PDCD10: variants seen among roughly 807,000 people sequenced by gnomAD.
PDCD10 encodes the protein programmed cell death 10.
Under a neutral mutation model 29.2 loss-of-function variants are expected in PDCD10, and 4 were observed. That is an observed-to-expected ratio of 0.14 (90% CI 0.07 to 0.31). PDCD10 has a LOEUF of 0.31. Ranked by LOEUF, PDCD10 falls within the 10% of genes least tolerant of loss-of-function variation. The pLI, the probability that PDCD10 is intolerant of heterozygous loss-of-function variation, is 1.00. For synonymous variants in PDCD10, 70 were observed against 82.2 expected (o/e 0.85, Z 0.80); for missense variants, 183 against 257.9 (o/e 0.71, Z 1.99).
At chr3:167,693,490 T>C (rs1167594685) in intron 6 of PDCD10, among the ~76,000 whole-genome samples, 1 of 152,204 alleles carries the variant, frequency 6.6e-6, no homozygotes, top group Non-Finnish European at 1.5e-5. Context: ...ATACACTATA[T>C]ACTTTAATCT....
At chr3:167,708,067 T>C (rs1465837147) in intron 3 of PDCD10, among the ~76,000 whole-genome samples, 1 of 152,174 alleles carries the variant, frequency 6.6e-6, no homozygotes, top group South Asian at 2.1e-4. Context: ...CTTCTGTAAC[T>C]TATTGTTGAT....
intron 4 of PDCD10, among the ~76,000 whole-genome samples, chr3:167,697,625 C>T: frequency 6.6e-6 from 1 of 152,068 alleles, no homozygotes; most frequent in Non-Finnish European, 1.5e-5. Context: ...TTTTACTGAA[C>T]CTATATAATA....
chr3:167,699,899 A>T (rs1250453623), intron 4 of PDCD10, among the ~76,000 whole-genome samples: 1 of 152,222 alleles, frequency 6.6e-6, no homozygotes, highest in Non-Finnish European at 1.5e-5. Flanking sequence ...AGACAAACTG[A>T]GTAGCCTATA....
intron 3 of PDCD10, among the ~76,000 whole-genome samples, chr3:167,709,808 G>GA (rs1553763977): frequency 6.6e-6 from 1 of 152,150 alleles, no homozygotes; most frequent in African/African-American, 2.4e-5. Flanking sequence ...AGAGCTCACA[G>GA]AATAAGAGAC....
chr3:167,684,475 T>C, intron 8 of PDCD10, 86 bp from the exon 9 acceptor site: 1 of 734,542 alleles, frequency 1.4e-6, no homozygotes, highest in Non-Finnish European at 2.4e-6. Flanking sequence ...AGCAATGGAA[T>C]CAATTTTAGA....
At chr3:167,710,362 AATC>A (rs1722412062) in intron 3 of PDCD10, among the ~76,000 whole-genome samples, 1 of 152,112 alleles carries the variant, frequency 6.6e-6, no homozygotes, top group African/African-American at 2.4e-5. Flanking sequence ...GCTCGGCAGC[AATC>A]ACCACAGGCT....
chr3:167,706,017 C>T (rs1261476773), intron 3 of PDCD10, among the ~76,000 whole-genome samples: 13 of 152,142 alleles, frequency 8.5e-5, no homozygotes, highest in Admixed American at 8.5e-4. Context: ...ACACTCTGAC[C>T]TCTTTTAAAA....
chr3:167,715,561 G>C (rs918787414), intron 3 of PDCD10, among the ~76,000 whole-genome samples: 1 of 149,982 alleles, frequency 6.7e-6, no homozygotes, highest in Non-Finnish European at 1.5e-5. Flanking sequence ...AACTGTACAG[G>C]AAAAAAAAAT....
chr3:167,719,557 T>C (rs1453398408), intron 3 of PDCD10, among the ~76,000 whole-genome samples: 2 of 152,160 alleles, frequency 1.3e-5, no homozygotes, highest in Non-Finnish European at 2.9e-5. Context: ...CAATGATATC[T>C]TCCAAATATC....
chr3:167,723,914 T>C (rs912249108), intron 2 of PDCD10, among the ~76,000 whole-genome samples: 3 of 152,246 alleles, frequency 2.0e-5, no homozygotes, highest in African/African-American at 7.2e-5. Flanking sequence ...ACTGCTAATT[T>C]TTAACAGAAG....
chr3:167,721,641 T>C (rs766376886), intron 2 of PDCD10, among the ~76,000 whole-genome samples: 18 of 152,200 alleles, frequency 1.2e-4, no homozygotes, highest in Non-Finnish European at 2.4e-4. Flanking sequence ...ACCATATCGC[T>C]ACCAGTGAAA....
In PDCD10 at chr3:167,734,195, T is replaced by C. The variant is rs1725129941; in HGVS notation, c.-117+19A>G. 6.6e-6 allele frequency: 1 copy of C among 152,168 alleles called. No individual in the cohort carries two copies. Among genetic ancestry groups the C allele is most frequent in the Admixed American group, 6.5e-5 (1 of 15,276 alleles). 9.4% of individuals were successfully genotyped at this position (152,168 alleles called of 1,614,324 possible). On this transcript the variant is annotated intron_variant, in intron 2 of 8. Transcript: ENST00000392750. ...CAAAATGAAAGCGCTCTGAAAGCAGTAAAGGAGTAAAAACATACCTTAGGT... is the reference window on the plus strand; with the variant it reads ...CAAAATGAAAGCGCTCTGAAAGCAGCAAAGGAGTAAAAACATACCTTAGGT...
intron 4 of PDCD10, among the ~76,000 whole-genome samples, chr3:167,701,231 G>A (rs1367400872): frequency 6.6e-6 from 1 of 152,006 alleles, no homozygotes; most frequent in Non-Finnish European, 1.5e-5. Context: ...TCTTCTGATT[G>A]TCTATATATA....
At chr3:167,705,413 C>T (rs1216905378) in intron 3 of PDCD10, among the ~76,000 whole-genome samples, 1 of 151,890 alleles carries the variant, frequency 6.6e-6, no homozygotes, top group African/African-American at 2.4e-5. Context: ...AGATTTTTAC[C>T]AAGTATAATA....
intron 6 of PDCD10, among the ~76,000 whole-genome samples, chr3:167,689,381 G>A (rs1719971888): frequency 6.6e-6 from 1 of 152,126 alleles, no homozygotes; most frequent in Non-Finnish European, 1.5e-5. Flanking sequence ...GAATATAATG[G>A]AGCAAATTAC....
intron 3 of PDCD10, among the ~76,000 whole-genome samples, chr3:167,713,384 C>T (rs925502129): frequency 6.6e-6 from 1 of 151,744 alleles, no homozygotes; most frequent in African/African-American, 2.4e-5. Context: ...TTTCTTGAAA[C>T]AAGTAACAGA....
intron 8 of PDCD10, among the ~76,000 whole-genome samples, chr3:167,685,017 A>G (rs1398838032): frequency 2.0e-5 from 3 of 152,074 alleles, no homozygotes; most frequent in Non-Finnish European, 4.4e-5. Flanking sequence ...ATCTTCATGC[A>G]GCTGGGATTC....
chr3:167,707,031 G>A (rs1045790738), intron 3 of PDCD10, among the ~76,000 whole-genome samples: 1 of 152,138 alleles, frequency 6.6e-6, no homozygotes, highest in Non-Finnish European at 1.5e-5. Flanking sequence ...TCTTCAACCT[G>A]GTTCTTTAAG....
At chr3:167,687,421 A>C in intron 7 of PDCD10, 105 bp from the exon 8 acceptor site, 1 of 764,694 alleles carries the variant, frequency 1.3e-6, no homozygotes, top group South Asian at 1.5e-5. Flanking sequence ...GATGCACTTT[A>C]TATGAATATT....
Sources: gnomAD v4.1 joint callset for allele counts (sites outside exome capture counted in the v4.1 genomes callset) on GRCh38, gnomAD v4.1.1 for gene constraint, MANE v1.5 for transcripts, NCBI Gene and HGNC (gene_info 2026-07-23, HGNC 2026-07-21) for gene names.